SPPL3: variants seen among roughly 807,000 people sequenced by gnomAD.
SPPL3 encodes the protein signal peptide peptidase like 3, also known as signal peptide peptidase-like 3.
SPPL3 carries 5 observed loss-of-function variants against 42.4 expected under a neutral mutation model. The observed-to-expected ratio is 0.12, with a 90% confidence interval of 0.06 to 0.25. SPPL3 has a LOEUF of 0.25. SPPL3 is among the 10% of genes least tolerant of loss of function. The probability of loss-of-function intolerance (pLI) is 1.00; values close to 1 mark genes in which losing one functional copy is unlikely to be tolerated. For synonymous variants in SPPL3, 195 were observed against 181.8 expected (o/e 1.07, Z -0.58); for missense variants, 235 against 489.0 (o/e 0.48, Z 4.90).
At chr12:120,883,681 C>A (rs1873360726) in intron 1 of SPPL3, among the ~76,000 whole-genome samples, 2 of 151,936 alleles carry the variant, frequency 1.3e-5, no homozygotes, top group Non-Finnish European at 2.9e-5. Flanking sequence ...GAAAGGAATG[C>A]AACAACTGGG....
chr12:120,904,057 T>G lies in SPPL3; in HGVS notation c.-190A>C. Reference sequence around the variant, plus strand: ...AGGCCGGGCTCCGAAGCGGCCCCGCTCCCTGGGCCCCGGGGCGGGGCGGGC... The same window carrying G: ...AGGCCGGGCTCCGAAGCGGCCCCGCGCCCTGGGCCCCGGGGCGGGGCGGGC... On this transcript the variant is annotated 5_prime_UTR_variant, in exon 1 of 11. Coordinates refer to ENST00000353487, the MANE Select transcript of SPPL3 (RefSeq NM_139015.5). 2 of 352,654 alleles carry G rather than the reference T, an allele frequency of 5.7e-6. No homozygotes were observed. Among genetic ancestry groups the G allele is most frequent in the Non-Finnish European group, 9.8e-6 (2 of 204,446 alleles). 21.8% of individuals were successfully genotyped at this position (352,654 alleles called of 1,614,324 possible).
At chr12:120,837,569 C>T (rs1296020563) in intron 1 of SPPL3, among the ~76,000 whole-genome samples, 1 of 152,152 alleles carries the variant, frequency 6.6e-6, no homozygotes, top group South Asian at 2.1e-4. Context: ...TGTATTTGTA[C>T]TTACTCTTTA....
chr12:120,904,337 CG>C lies in SPPL3; in HGVS notation c.-471del, dbSNP rs537885659. 2 of 163,826 alleles carry C rather than the reference CG, an allele frequency of 1.2e-5. No homozygotes were observed. Among genetic ancestry groups the C allele is most frequent in the South Asian group, 3.5e-4 (2 of 5,726 alleles). 10.1% of individuals were successfully genotyped at this position (163,826 alleles called of 1,614,324 possible). On this transcript the variant is annotated 5_prime_UTR_variant, in exon 1 of 11. The change creates a new upstream start codon in the 5' untranslated region. Coordinates refer to ENST00000353487, the MANE Select transcript of SPPL3 (RefSeq NM_139015.5). ...CGCTAGGCGATGAGGCGAGGCCACT[CG>C]ATCACACCCGCCGAGGGGAGGAGGG...
intron 3 of SPPL3, among the ~76,000 whole-genome samples, chr12:120,787,854 T>C (rs916903321): frequency 6.6e-6 from 1 of 152,258 alleles, no homozygotes; most frequent in Non-Finnish European, 1.5e-5. Flanking sequence ...TGCTGTTTTA[T>C]GTAGCTACAG....
chr12:120,828,671 C>G (rs1334712183), intron 1 of SPPL3, among the ~76,000 whole-genome samples: 1 of 152,206 alleles, frequency 6.6e-6, no homozygotes, highest in African/African-American at 2.4e-5. Context: ...GAGGAATACA[C>G]GTACTGTTCA....
intron 1 of SPPL3, among the ~76,000 whole-genome samples, chr12:120,860,698 T>C (rs1014574718): frequency 2.0e-5 from 3 of 152,172 alleles, no homozygotes; most frequent in African/African-American, 4.8e-5. Context: ...TCGTGACAAA[T>C]TGGAGGGAGA....
intron 9 of SPPL3, 125 bp downstream of exon 9, chr12:120,767,269 A>G: frequency 9.7e-7 from 1 of 1,032,854 alleles, no homozygotes; most frequent in Non-Finnish European, 1.4e-6. Flanking sequence ...CAGGCTGTCT[A>G]TTACAGCACC....
chr12:120,811,973 T>A (rs746127681), intron 1 of SPPL3, among the ~76,000 whole-genome samples: 1 of 152,088 alleles, frequency 6.6e-6, no homozygotes, highest in Non-Finnish European at 1.5e-5. Context: ...GGAGCTTTCC[T>A]TAGGGAGGAA....
chr12:120,868,053 T>C (rs1420253658), intron 1 of SPPL3, among the ~76,000 whole-genome samples: 2 of 152,104 alleles, frequency 1.3e-5, no homozygotes, highest in Non-Finnish European at 2.9e-5. Flanking sequence ...AGCCTATGTA[T>C]AAAAATTATA....
intron 1 of SPPL3, chr12:120,835,440 G>A (rs1039715972): frequency 2.6e-5 from 4 of 152,162 alleles, no homozygotes; most frequent in Non-Finnish European, 5.9e-5. Context: ...TATACATACA[G>A]TTATAGATGA....
intron 1 of SPPL3, among the ~76,000 whole-genome samples, chr12:120,879,550 C>T (rs1468989276): frequency 2.0e-5 from 3 of 152,058 alleles, no homozygotes; most frequent in African/African-American, 4.8e-5. Flanking sequence ...GAGATTTTTA[C>T]CGCCCAACTT....
At chr12:120,877,781 T>TAAAAAAAAAA in intron 1 of SPPL3, among the ~76,000 whole-genome samples, 1 of 130,162 alleles carries the variant, frequency 7.7e-6, no homozygotes, top group Middle Eastern at 4.0e-3. Context: ...AACTCCGTCT[T>TAAAAAAAAAA]AAAAAAAAAA....
chr12:120,775,896 C>G (rs1216097156), intron 6 of SPPL3, among the ~76,000 whole-genome samples: 2 of 151,886 alleles, frequency 1.3e-5, no homozygotes, highest in Admixed American at 1.3e-4. Flanking sequence ...TTAAGAAACA[C>G]TAATTAAAAA....
At chr12:120,865,145 A>G (rs1390579536) in intron 1 of SPPL3, among the ~76,000 whole-genome samples, 3 of 152,336 alleles carry the variant, frequency 2.0e-5, no homozygotes, top group East Asian at 3.9e-4. Context: ...AGAAACATCA[A>G]CAGTTACCCA....
At chr12:120,767,357 G>A (rs771856425) in intron 9 of SPPL3, 37 bp downstream of exon 9, 1 of 1,595,584 alleles carries the variant, frequency 6.3e-7, no homozygotes, top group South Asian at 1.1e-5. Flanking sequence ...AGGACAGCCA[G>A]AGCGAGGATC....
chr12:120,838,112 T>C (rs1022725929), intron 1 of SPPL3, among the ~76,000 whole-genome samples: 1 of 152,200 alleles, frequency 6.6e-6, no homozygotes, highest in Non-Finnish European at 1.5e-5. Context: ...AAAGGAACTG[T>C]CTTAAAGCTA....
At chr12:120,812,428 G>A (rs1870714993) in intron 1 of SPPL3, among the ~76,000 whole-genome samples, 1 of 152,130 alleles carries the variant, frequency 6.6e-6, no homozygotes, top group Non-Finnish European at 1.5e-5. Context: ...CACTGCGCCT[G>A]GCCAGAGGAA....
intron 1 of SPPL3, among the ~76,000 whole-genome samples, chr12:120,876,024 C>CCCA (rs372060791): frequency 4.8e-5 from 7 of 146,120 alleles, no homozygotes; most frequent in African/African-American, 7.3e-5. Context: ...AGACCCCCCC[C>CCCA]ACCCAAATCA....
intron 1 of SPPL3, among the ~76,000 whole-genome samples, chr12:120,848,928 T>G (rs556459024): frequency 4.8e-5 from 7 of 147,070 alleles, no homozygotes; most frequent in Admixed American, 2.0e-4. Flanking sequence ...TCAATTTTGG[T>G]TTTTTTTTTG....
Sources: gnomAD v4.1 joint callset for allele counts (sites outside exome capture counted in the v4.1 genomes callset) on GRCh38, gnomAD v4.1.1 for gene constraint, MANE v1.5 for transcripts, NCBI Gene and HGNC (gene_info 2026-07-23, HGNC 2026-07-21) for gene names.